The following LHFPL6 variants were observed in gnomAD, a reference collection of about 807,000 sequenced individuals.
LHFPL6 encodes LHFPL tetraspan subfamily member 6 protein.
Under a neutral mutation model 20.6 loss-of-function variants are expected in LHFPL6, and 9 were observed. The observed-to-expected ratio is 0.44, with a 90% confidence interval of 0.26 to 0.76. LHFPL6 has a LOEUF of 0.76. Ranked by LOEUF, LHFPL6 falls within the 30% of genes least tolerant of loss-of-function variation. The pLI, the probability that LHFPL6 is intolerant of heterozygous loss-of-function variation, is 0.20. For missense variants in LHFPL6, 218 were observed against 253.5 expected (o/e 0.86, Z 0.95); for synonymous variants, 105 against 98.7 (o/e 1.06, Z -0.38).
chr13:39,564,788 T>C (rs973761408), intron 2 of LHFPL6, among the ~76,000 whole-genome samples: 3 of 152,238 alleles, frequency 2.0e-5, no homozygotes, highest in Admixed American at 2.0e-4. Flanking sequence ...TTCCACCTTC[T>C]GCCAATGAGC....
chr13:39,514,875 T>C (rs1210539112), intron 2 of LHFPL6, among the ~76,000 whole-genome samples: 3 of 152,198 alleles, frequency 2.0e-5, no homozygotes, highest in Non-Finnish European at 4.4e-5. Context: ...AGCGAAGTGC[T>C]AAAGGCAGGG....
chr13:39,439,732 TAA>T (rs1024449994), intron 2 of LHFPL6, among the ~76,000 whole-genome samples: 1 of 152,096 alleles, frequency 6.6e-6, no homozygotes, highest in African/African-American at 2.4e-5. Context: ...TCTGGTTTTT[TAA>T]AAGTCTGTAG....
In LHFPL6 at chr13:39,343,222, G is replaced by A; in HGVS notation, c.*714C>T. On this transcript the variant is annotated 3_prime_UTR_variant, in exon 4 of 4. Coordinates refer to ENST00000379589, the MANE Select transcript of LHFPL6 (RefSeq NM_005780.3). The stretch of plus-strand genomic sequence containing the variant: ...TCTGCATAAACACTGAAAATATGTT[G>A]AGGAACTAAATTAGAGTTTATGCAG... 4.7e-6 allele frequency: 1 copy of A among 212,872 alleles called. No individual in the cohort carries two copies. 13.2% of individuals were successfully genotyped at this position (212,872 alleles called of 1,614,324 possible). A position where few individuals can be genotyped will look rare whatever the true frequency, so the allele number is the denominator to read the frequency against.
chr13:39,367,064 C>T (rs928889254), intron 3 of LHFPL6, among the ~76,000 whole-genome samples: 2 of 152,214 alleles, frequency 1.3e-5, no homozygotes, highest in African/African-American at 4.8e-5. Flanking sequence ...AACAGCGGCA[C>T]TAATGAAACT....
chr13:39,378,588 G>A, intron 2 of LHFPL6, 62 bp from the exon 3 acceptor site: 1 of 1,274,392 alleles, frequency 7.8e-7, no homozygotes, highest in Non-Finnish European at 1.1e-6. Flanking sequence ...GATAAAGGTG[G>A]TGGGATCAAT....
chr13:39,523,145 G>C (rs1010676639), intron 2 of LHFPL6, among the ~76,000 whole-genome samples: 1 of 152,068 alleles, frequency 6.6e-6, no homozygotes, highest in Non-Finnish European at 1.5e-5. Context: ...TATGCTTTAC[G>C]ACTGATACAT....
chr13:39,582,036 A>G (rs1440548915), intron 2 of LHFPL6, among the ~76,000 whole-genome samples: 1 of 152,184 alleles, frequency 6.6e-6, no homozygotes, highest in Non-Finnish European at 1.5e-5. Context: ...CAGTGTTTCC[A>G]ACTGTCCATT....
intron 2 of LHFPL6, among the ~76,000 whole-genome samples, chr13:39,427,476 A>G (rs1871675029): frequency 1.3e-5 from 2 of 152,216 alleles, no homozygotes. Flanking sequence ...AAGAGTTTTT[A>G]TCAGTTATAG....
At chr13:39,442,883 C>T (rs1476439009) in intron 2 of LHFPL6, among the ~76,000 whole-genome samples, 3 of 152,120 alleles carry the variant, frequency 2.0e-5, no homozygotes, top group Non-Finnish European at 4.4e-5. Context: ...AGAGCTGACC[C>T]TCATGGCTCA....
At chr13:39,470,773 A>AC (rs1312176203) in intron 2 of LHFPL6, among the ~76,000 whole-genome samples, 2 of 152,170 alleles carry the variant, frequency 1.3e-5, no homozygotes, top group African/African-American at 4.8e-5. Context: ...AGTGAAAAAA[A>AC]CCCCACTGAT....
intron 3 of LHFPL6, among the ~76,000 whole-genome samples, chr13:39,371,468 G>T (rs895245053): frequency 1.3e-5 from 2 of 152,202 alleles, no homozygotes; most frequent in Admixed American, 6.5e-5. Context: ...CATTTAAATG[G>T]TCCTGTCCAA....
chr13:39,382,288 G>A (rs890263974), intron 2 of LHFPL6, among the ~76,000 whole-genome samples: 23 of 152,148 alleles, frequency 1.5e-4, no homozygotes, highest in South Asian at 6.2e-4. Flanking sequence ...CTGGTTCTCC[G>A]ATTAAACCTG....
At chr13:39,560,705 G>C (rs1871450704) in intron 2 of LHFPL6, among the ~76,000 whole-genome samples, 1 of 151,872 alleles carries the variant, frequency 6.6e-6, no homozygotes, top group Non-Finnish European at 1.5e-5. Flanking sequence ...TTTTAGTAGA[G>C]ACGGTTTCAC....
At chr13:39,508,723 C>G (rs1869580465) in intron 2 of LHFPL6, among the ~76,000 whole-genome samples, 1 of 152,126 alleles carries the variant, frequency 6.6e-6, no homozygotes. Context: ...TATTGTTTAT[C>G]AGTTCACCTA....
intron 2 of LHFPL6, among the ~76,000 whole-genome samples, chr13:39,551,133 T>A (rs141542654): frequency 6.6e-6 from 1 of 152,152 alleles, no homozygotes; most frequent in Non-Finnish European, 1.5e-5. Flanking sequence ...TTTGTCTTAG[T>A]CCATTTTCTG....
In LHFPL6 at chr13:39,562,601, C is replaced by CATACATATACACATACATATATACACAT; in HGVS notation, c.385+38230_385+38231insATGTGTATATATGTATGTGTATATGTAT. 2.1e-5 allele frequency among the ~76,000 whole-genome samples: 2 copies of CATACATATACACATACATATATACACAT among 96,854 alleles called. 1 individual carries two copies. The highest frequency in any genetic ancestry group is 6.4e-5 in the African/African-American group (2 of 31,150). The allele number at this position is 96,854 out of a possible 152,430, so 63.5% of individuals were successfully genotyped here. A position where few individuals can be genotyped will look rare whatever the true frequency, so the allele number is the denominator to read the frequency against. On this transcript the variant is annotated intron_variant, in intron 2 of 3. Transcript: ENST00000379589. ...ATATACACATATATACATATATACA[C>CATACATATACACATACATATATACACAT]ATATACATATATACACATATATACA...
At chr13:39,568,316 G>A (rs1196858914) in intron 2 of LHFPL6, among the ~76,000 whole-genome samples, 1 of 151,650 alleles carries the variant, frequency 6.6e-6, no homozygotes, top group Non-Finnish European at 1.5e-5. Context: ...ATAAACTTAA[G>A]CAGGAAAAAC....
intron 2 of LHFPL6, among the ~76,000 whole-genome samples, chr13:39,590,914 TC>T (rs1872572933): frequency 6.6e-6 from 1 of 152,222 alleles, no homozygotes; most frequent in Admixed American, 6.5e-5. Flanking sequence ...CTCAGGGGTA[TC>T]TGGCTACGGC....
chr13:39,540,686 A>G (rs1870768879), intron 2 of LHFPL6, among the ~76,000 whole-genome samples: 2 of 152,216 alleles, frequency 1.3e-5, no homozygotes, highest in Non-Finnish European at 2.9e-5. Context: ...TCTGTAAAAT[A>G]GGCTTCCATT....
Sources: allele counts gnomAD v4.1 joint callset (sites outside exome capture counted in the v4.1 genomes callset), GRCh38; gene constraint gnomAD v4.1.1; transcripts MANE v1.5; gene names NCBI Gene and HGNC (gene_info 2026-07-23, HGNC 2026-07-21).